The following ANKRD44 variants were observed in gnomAD, a reference collection of about 807,000 sequenced individuals.
The protein encoded by ANKRD44 is ankyrin repeat domain 44.
ANKRD44 carries 35 observed loss-of-function variants against 116.0 expected under a neutral mutation model. The ratio of observed to expected loss-of-function variants is 0.30; its 90% CI spans 0.23 to 0.40. ANKRD44 has a LOEUF of 0.40. Ranked by LOEUF, ANKRD44 falls within the 10% of genes least tolerant of loss-of-function variation. The probability of loss-of-function intolerance (pLI) is 1.00; values close to 1 mark genes in which losing one functional copy is unlikely to be tolerated. For synonymous variants in ANKRD44, 435 were observed against 461.8 expected, an observed-to-expected ratio of 0.94 and a Z score of 0.74; for missense variants, 1,014 against 1,242.6, an observed-to-expected ratio of 0.82 and a Z score of 2.77.
intron 2 of ANKRD44, 93 bp from the exon 3 acceptor site, chr2:197,147,198 T>C: frequency 1.0e-6 from 1 of 1,004,088 alleles, no homozygotes; most frequent in Non-Finnish European, 1.6e-6. Context: ...CACTCTGTGG[T>C]TAATGCATGT....
At chr2:197,278,139 G>A (rs969587380) in intron 1 of ANKRD44, among the ~76,000 whole-genome samples, 1 of 152,080 alleles carries the variant, frequency 6.6e-6, no homozygotes, top group East Asian at 1.9e-4. Context: ...AGTATCAGTG[G>A]GGACGGGAGG....
chr2:197,117,598 G>A (rs1457517370), intron 8 of ANKRD44, among the ~76,000 whole-genome samples: 1 of 151,830 alleles, frequency 6.6e-6, no homozygotes, highest in Non-Finnish European at 1.5e-5. Context: ...TTGAACTCCT[G>A]ACCTCAGGTG....
chr2:197,073,031 C>T (rs755976852), intron 16 of ANKRD44, among the ~76,000 whole-genome samples: 25 of 152,190 alleles, frequency 1.6e-4, no homozygotes, highest in Non-Finnish European at 3.2e-4. Context: ...AACTCCTTCC[C>T]GCCTTCCCCT....
chr2:197,286,800 T>G (rs1453640396), intron 1 of ANKRD44, among the ~76,000 whole-genome samples: 1 of 151,954 alleles, frequency 6.6e-6, no homozygotes, highest in Non-Finnish European at 1.5e-5. Context: ...GAATGAAAAA[T>G]CTCTAAGATC....
At chr2:197,023,565 C>G (rs539196110) in intron 17 of ANKRD44, among the ~76,000 whole-genome samples, 1 of 151,830 alleles carries the variant, frequency 6.6e-6, no homozygotes, top group Non-Finnish European at 1.5e-5. Context: ...TCAACAAATA[C>G]ACTGTGGAAA....
rs76778402 is a variant in ANKRD44 at position 197,308,782 on chromosome 2, C to A, written c.27+1796G>T. ...TTGTAAGACCAAGTAATACACTTCT[C>A]ACTAGGGTTGATCTTGATCTAGGAA... On this transcript the variant is annotated intron_variant, in intron 1 of 27. Coordinates refer to ENST00000282272, the MANE Select transcript of ANKRD44 (RefSeq NM_001195144.2). Among the ~76,000 whole-genome samples the A allele has an allele frequency of 8.8e-4, 134 of 152,334 alleles. 4 individuals carry two copies. The South Asian group carries it at 0.021, about 24-fold the overall frequency.
At chr2:196,979,255 C>T (rs1316477508) in intron 21 of ANKRD44, among the ~76,000 whole-genome samples, 2 of 151,636 alleles carry the variant, frequency 1.3e-5, no homozygotes, top group African/African-American at 2.4e-5. Flanking sequence ...AAAAATTAGC[C>T]ACCTGTAGTC....
chr2:197,249,810 C>A (rs971763259), intron 1 of ANKRD44, among the ~76,000 whole-genome samples: 1 of 152,068 alleles, frequency 6.6e-6, no homozygotes, highest in African/African-American at 2.4e-5. Context: ...TTCAAAGAAG[C>A]GTCTAGGTTT....
intron 17 of ANKRD44, chr2:197,014,908 C>CCA (rs2076362947): frequency 6.1e-6 from 1 of 162,720 alleles, no homozygotes; most frequent in Non-Finnish European, 1.3e-5. Context: ...CCCCACCTCT[C>CCA]CACACACAGG....
rs903811388 is a variant in ANKRD44, at chr2:197,241,641, C to T, written c.28-54535G>A. 2.0e-5 allele frequency among the ~76,000 whole-genome samples: 3 copies of T among 151,992 alleles called. No individual in the cohort carries two copies. The East Asian group carries it at 5.8e-4, about 29-fold the overall frequency. ...TAAAATTTAAAAAAAACATTTGAAT[C>T]TATATTAACATTTTTAAAAATAAGA... On this transcript the variant is annotated intron_variant, in intron 1 of 27. Coordinates refer to ENST00000282272, the MANE Select transcript of ANKRD44 (RefSeq NM_001195144.2).
intron 25 of ANKRD44, among the ~76,000 whole-genome samples, chr2:196,997,437 T>C (rs2076033142): frequency 7.2e-6 from 1 of 138,276 alleles, no homozygotes; most frequent in African/African-American, 2.7e-5. Flanking sequence ...ATATATATAA[T>C]TTTATATAAT....
rs971826087 is a variant in ANKRD44 at position 197,303,350 on chromosome 2, C to A, written c.27+7228G>T. Among the ~76,000 whole-genome samples the A allele has an allele frequency of 2.6e-5, 4 of 152,260 alleles. No homozygotes were observed. The South Asian group carries it at 8.3e-4, about 32-fold the overall frequency. ...GTTCCCATTTTGACAGACAAAGAAA[C>A]GAAGGCCAGGACTTACCCCAAACCA... On this transcript the variant is annotated intron_variant, in intron 1 of 27. Coordinates refer to ENST00000282272, the MANE Select transcript of ANKRD44 (RefSeq NM_001195144.2).
At chr2:197,125,318 G>C (rs1413024520) in intron 6 of ANKRD44, 63 bp downstream of exon 6, 2 of 1,416,888 alleles carry the variant, frequency 1.4e-6, no homozygotes, top group Non-Finnish European at 2.0e-6. Context: ...TGGTCAATGA[G>C]AGACCCATGG....
chr2:197,105,135 T>C (rs1244014840), intron 9 of ANKRD44, among the ~76,000 whole-genome samples: 2 of 152,068 alleles, frequency 1.3e-5, no homozygotes, highest in African/African-American at 4.8e-5. Flanking sequence ...TTTTTTGAGA[T>C]GGACTCTCGC....
chr2:197,039,680 CGTGTGTGTGTGTGT>C (rs10535447), intron 16 of ANKRD44, among the ~76,000 whole-genome samples: 7,533 of 141,468 alleles, frequency 0.053, 404 homozygotes, highest in African/African-American at 0.15. Flanking sequence ...TGTGTGTGTG[CGTGTGTGTGTGTGT>C]GTGTGTGTGT....
Position 197,203,011 on chromosome 2 carries a change from C to T in ANKRD44, c.28-15905G>A, listed in dbSNP as rs972999020. 6.6e-6 allele frequency among the ~76,000 whole-genome samples: 1 copy of T among 152,086 alleles called. No homozygotes were observed. The highest frequency in any genetic ancestry group is 2.4e-5 in the African/African-American group (1 of 41,394). On this transcript the variant is annotated intron_variant, in intron 1 of 27. Coordinates refer to ENST00000282272, the MANE Select transcript of ANKRD44 (RefSeq NM_001195144.2). This position sits in a 1 kb window ranked among gnomAD's most constrained non-coding sequence, Gnocchi z 4.1. ...TGAGGTAGTGTTAGGGATGCAAATC[C>T]TAGCACAAGCGCTTGCAAAGGCTCT...
intron 2 of ANKRD44, among the ~76,000 whole-genome samples, chr2:197,180,323 G>A (rs569895311): frequency 3.3e-5 from 5 of 152,214 alleles, no homozygotes; most frequent in Admixed American, 6.5e-5. Flanking sequence ...TTTTGGAACC[G>A]ACATTTAACA....
chr2:197,174,823 A>G (rs2080327037), intron 2 of ANKRD44, among the ~76,000 whole-genome samples: 1 of 152,224 alleles, frequency 6.6e-6, no homozygotes, highest in Non-Finnish European at 1.5e-5. Context: ...GGTGGTGAGA[A>G]GTGCTAGGAA....
chr2:197,284,521 CACACACACACACACACACACAT>C (rs1042802052), intron 1 of ANKRD44, among the ~76,000 whole-genome samples: 2 of 137,554 alleles, frequency 1.5e-5, no homozygotes, highest in East Asian at 2.5e-4. Context: ...CACACACACA[CACACACACACACACACACACAT>C]AATTTGTGTG....
Sources: gnomAD v4.1 joint callset for allele counts (sites outside exome capture counted in the v4.1 genomes callset) on GRCh38, gnomAD v4.1.1 for gene constraint, Gnocchi (gnomAD v3.1) non-coding constraint, MANE v1.5 for transcripts, NCBI Gene and HGNC (gene_info 2026-07-23, HGNC 2026-07-21) for gene names.